CCDC158: variants seen among roughly 807,000 people sequenced by gnomAD.
CCDC158 encodes the protein coiled-coil domain-containing protein 158.
CCDC158 carries 116 observed loss-of-function variants against 138.6 expected under a neutral mutation model. That is an observed-to-expected ratio of 0.84 (90% CI 0.72 to 0.98). The LOEUF (loss-of-function observed/expected upper bound fraction) is 0.98. Among genes scored for constraint, CCDC158 ranks in the 50% least tolerant of loss-of-function variants. The probability of loss-of-function intolerance (pLI) is 0.00; values close to 1 mark genes in which losing one functional copy is unlikely to be tolerated. For missense variants in CCDC158, 1,265 were observed against 1,306.1 expected (o/e 0.97, Z 0.48); for synonymous variants, 436 against 442.4 (o/e 0.99, Z 0.18).
At chr4:76,379,217 A>G in intron 9 of CCDC158, 73 bp downstream of exon 9, 1 of 744,400 alleles carries the variant, frequency 1.3e-6, no homozygotes, top group Non-Finnish European at 2.1e-6. Context: ...ATTTTCAAAT[A>G]AACTATTACT....
intron 4 of CCDC158, among the ~76,000 whole-genome samples, chr4:76,395,278 C>T (rs1432917844): frequency 1.3e-5 from 2 of 152,118 alleles, no homozygotes; most frequent in African/African-American, 4.8e-5. Context: ...CTTGTAAGTC[C>T]TACCTTATTC....
At position 76,325,922 on chromosome 4, in the gene CCDC158, C is replaced by T. The variant is rs202228517; in HGVS notation, c.3104G>A (p.Gly1035Asp). 43 of 1,613,662 alleles carry T rather than the reference C, an allele frequency of 2.7e-5. No individual in the cohort carries two copies. In the African/African-American group the frequency reaches 4.4e-4, roughly 17 times the overall value. The change falls in exon 23 of 25, where the codon GGT becomes GAT. Residue 1035 changes from glycine to aspartate, a missense_variant. Physicochemically the swap from Gly to Asp is moderately conservative, Grantham distance 94. Transcript: ENST00000682701. Reference sequence around the variant, plus strand: ...ATACTGTGATGTGGAACCTATTGAACCTTCAACTGAACTAGTTAGGAGTGA... The same window carrying T: ...ATACTGTGATGTGGAACCTATTGAATCTTCAACTGAACTAGTTAGGAGTGA... ...VHSLLTSSVE[G>D]SIGSTSQYRS... is the part of the protein sequence containing the mutation.
In CCDC158 at chr4:76,357,469, G is replaced by C. The variant is rs1199674400; in HGVS notation, c.2078C>G (p.Thr693Ser). 4 of 1,603,954 alleles carry C rather than the reference G, an allele frequency of 2.5e-6. No individual in the cohort carries two copies. Among genetic ancestry groups the C allele is most frequent in the Non-Finnish European group, 2.6e-6 (3 of 1,174,366 alleles). Residue 693 changes from threonine (T) to serine (S), a missense_variant, in exon 14 of 25, where the codon ACT becomes AGT. By Grantham distance (58) the Thr-to-Ser change is moderately conservative. Transcript: ENST00000682701. ...FRNKSEEMEMTTNKLKMQLKS... is the reference protein window; with the variant it reads ...FRNKSEEMEMSTNKLKMQLKS... The stretch of plus-strand genomic sequence containing the variant: ...TAATTGCATTTTCAACTTATTTGTA[G>C]TCATTTCCATTTCTTCACTTTTGTT...
chr4:76,367,600 T>C lies in CCDC158; in HGVS notation c.1524A>G (p.Lys508=), dbSNP rs1724808363. ...ISDLTTSLQE[K]ERAIEATNAE... Reference sequence around the variant, plus strand: ...CATTGGTAGCCTCGATGGCTCTCTCTTTTTCCTGGAGAGAAGTTGTCAGGT... The same window carrying C: ...CATTGGTAGCCTCGATGGCTCTCTCCTTTTCCTGGAGAGAAGTTGTCAGGT... Residue 508 remains lysine, a synonymous_variant, in exon 12 of 25, where the codon AAA becomes AAG. Transcript: ENST00000682701. The C allele has an allele frequency of 6.2e-7, 1 of 1,614,176 alleles. No homozygotes were observed. The highest frequency in any genetic ancestry group is 8.5e-7 in the Non-Finnish European group (1 of 1,180,014).
intron 18 of CCDC158, among the ~76,000 whole-genome samples, chr4:76,340,624 T>C (rs1721959720): frequency 1.3e-5 from 2 of 151,660 alleles, no homozygotes; most frequent in African/African-American, 4.9e-5. Context: ...GATTAGGGAG[T>C]AGACTGGACA....
intron 4 of CCDC158, among the ~76,000 whole-genome samples, chr4:76,386,028 A>C (rs1726754938): frequency 6.6e-6 from 1 of 152,240 alleles, no homozygotes; most frequent in Non-Finnish European, 1.5e-5. Flanking sequence ...ACGAGTGTAA[A>C]ATAGAGTCAT....
At position 76,323,428 on chromosome 4, in the gene CCDC158, G is replaced by C; in HGVS notation, c.3170-19C>G. ...TGTGAATCTATTAGAAAATTGCTTAGATGTGATATTAAAAGTCTACTCAAC... is the reference window on the plus strand; with the variant it reads ...TGTGAATCTATTAGAAAATTGCTTACATGTGATATTAAAAGTCTACTCAAC... On this transcript the variant is annotated intron_variant, in intron 23 of 24. Coordinates refer to ENST00000682701, the MANE Select transcript of CCDC158 (RefSeq NM_001394954.1). 6.4e-7 allele frequency: 1 copy of C among 1,552,580 alleles called. No homozygotes were observed. The highest frequency in any genetic ancestry group is 8.8e-7 in the Non-Finnish European group (1 of 1,133,134).
intron 18 of CCDC158, among the ~76,000 whole-genome samples, chr4:76,347,947 ATATCT>A (rs1560404994): frequency 6.6e-6 from 1 of 152,140 alleles, no homozygotes; most frequent in Non-Finnish European, 1.5e-5. Context: ...TTATAGGAAA[ATATCT>A]TAGAGTGGGC....
intron 24 of CCDC158, among the ~76,000 whole-genome samples, chr4:76,314,710 C>G (rs2110052846): frequency 6.6e-6 from 1 of 152,112 alleles, no homozygotes; most frequent in East Asian, 1.9e-4. Flanking sequence ...GTGGGAAGAG[C>G]CTTGGAGGCA....
chr4:76,326,464 G>T (rs1261511241), intron 22 of CCDC158, among the ~76,000 whole-genome samples: 1 of 152,054 alleles, frequency 6.6e-6, no homozygotes, highest in Non-Finnish European at 1.5e-5. Context: ...TAACGACATA[G>T]ATCTATAGGG....
At chr4:76,391,747 A>G (rs570020543) in intron 4 of CCDC158, among the ~76,000 whole-genome samples, 6 of 152,086 alleles carry the variant, frequency 3.9e-5, no homozygotes, top group African/African-American at 1.2e-4. Flanking sequence ...TTTTGAGAAG[A>G]TAAACAAAAT....
intron 18 of CCDC158, among the ~76,000 whole-genome samples, chr4:76,340,438 C>T (rs1456749400): frequency 6.6e-6 from 1 of 152,212 alleles, no homozygotes; most frequent in African/African-American, 2.4e-5. Flanking sequence ...CTTGAGATTG[C>T]AAATGACAGT....
chr4:76,335,185 G>T (rs1281822785), intron 18 of CCDC158, among the ~76,000 whole-genome samples: 4 of 152,084 alleles, frequency 2.6e-5, no homozygotes, highest in African/African-American at 4.8e-5. Context: ...ATATAAGGAT[G>T]TGAATCACTT....
At chr4:76,333,606 C>T in intron 19 of CCDC158, among the ~76,000 whole-genome samples, 1 of 152,146 alleles carries the variant, frequency 6.6e-6, no homozygotes, top group East Asian at 1.9e-4. Flanking sequence ...TCTCAAGGTT[C>T]TAGTTTTATC....
Position 76,332,496 on chromosome 4 carries a change from A to T in CCDC158, c.2823-5T>A, listed in dbSNP as rs1434618466. The T allele has an allele frequency of 1.3e-6, 2 of 1,594,780 alleles. No homozygotes were observed. The highest frequency in any genetic ancestry group is 2.7e-5 in the African/African-American group (2 of 74,154). Reference sequence around the variant, plus strand: ...CAATCTCTTACCCTATCCTCTCTGTATAGAAAATATAACTCTCAGTTAATC... The same window carrying T: ...CAATCTCTTACCCTATCCTCTCTGTTTAGAAAATATAACTCTCAGTTAATC... On this transcript the variant is annotated splice_polypyrimidine_tract_variant and splice_region_variant and intron_variant, in intron 19 of 24. Transcript: ENST00000682701.
intron 24 of CCDC158, among the ~76,000 whole-genome samples, chr4:76,316,090 A>C (rs1719360341): frequency 6.6e-6 from 1 of 152,242 alleles, no homozygotes; most frequent in Admixed American, 6.5e-5. Flanking sequence ...CTAGCTTGCC[A>C]GCAATGCAGT....
intron 23 of CCDC158, among the ~76,000 whole-genome samples, chr4:76,323,640 A>G (rs1225697908): frequency 6.6e-6 from 1 of 152,230 alleles, no homozygotes; most frequent in African/African-American, 2.4e-5. Flanking sequence ...TTGTGCTCAA[A>G]CCAATCCGAT....
At chr4:76,416,508 TTC>T (rs1729711925) in intron 1 of CCDC158, among the ~76,000 whole-genome samples, 1 of 152,052 alleles carries the variant, frequency 6.6e-6, no homozygotes, top group Non-Finnish European at 1.5e-5. Flanking sequence ...GTCAGAGACC[TTC>T]ATGGCAGCCC....
intron 2 of CCDC158, among the ~76,000 whole-genome samples, chr4:76,406,519 T>G (rs1728841221): frequency 6.6e-6 from 1 of 152,172 alleles, no homozygotes; most frequent in South Asian, 2.1e-4. Flanking sequence ...GACAATATAC[T>G]TTCCTCTCCA....
Sources: gnomAD v4.1 joint callset for allele counts (sites outside exome capture counted in the v4.1 genomes callset) on GRCh38, gnomAD v4.1.1 for gene constraint, MANE v1.5 for transcripts, NCBI Gene and HGNC (gene_info 2026-07-23, HGNC 2026-07-21) for gene names.